Variants in MPP7 observed in about 807,000 individuals in gnomAD.
The protein encoded by MPP7 is MAGUK p55 subfamily member 7.
MPP7 carries 60 observed loss-of-function variants against 76.5 expected under a neutral mutation model. The ratio of observed to expected loss-of-function variants is 0.78; its 90% CI spans 0.64 to 0.97. The LOEUF (loss-of-function observed/expected upper bound fraction) is 0.97. MPP7 is among the 50% of genes least tolerant of loss of function. The pLI is 0.00. For missense variants in MPP7, 641 were observed against 694.0 expected (o/e 0.92, Z 0.86); for synonymous variants, 237 against 244.5 (o/e 0.97, Z 0.29).
At chr10:28,131,515 T>G (rs1564648232) in intron 6 of MPP7, 45 bp downstream of exon 6, 31 of 1,498,098 alleles carry the variant, frequency 2.1e-5, no homozygotes, top group Non-Finnish European at 2.8e-5. Context: ...CCATCAGATT[T>G]GGCCCTATCA....
At chr10:28,302,750 G>T (rs1475724253) in intron 1 of MPP7, among the ~76,000 whole-genome samples, 111 bp downstream of exon 1, 2 of 151,406 alleles carry the variant, frequency 1.3e-5, no homozygotes, top group South Asian at 4.2e-4. Context: ...CCGGAGGACC[G>T]CGGCACCGCT....
chr10:28,301,797 T>A (rs558954860), intron 1 of MPP7, among the ~76,000 whole-genome samples: 9 of 151,930 alleles, frequency 5.9e-5, no homozygotes, highest in African/African-American at 2.2e-4. Flanking sequence ...AGAACCAGAG[T>A]GAACCTGAGC....
chr10:28,260,395 T>C (rs1041455916), intron 1 of MPP7, among the ~76,000 whole-genome samples: 2 of 152,176 alleles, frequency 1.3e-5, no homozygotes, highest in Non-Finnish European at 2.9e-5. Flanking sequence ...TATAAATGGT[T>C]CTTTCCTTCA....
chr10:28,072,875 T>A (rs1352613845), intron 12 of MPP7, among the ~76,000 whole-genome samples: 1 of 152,178 alleles, frequency 6.6e-6, no homozygotes, highest in Non-Finnish European at 1.5e-5. Flanking sequence ...TTCTATGATT[T>A]TGTTAATGTC....
rs191487664 is a variant in MPP7 at position 28,295,507 on chromosome 10, T to A, written c.-132+7354A>T. Among the ~76,000 whole-genome samples, 36 of 152,318 alleles carry A rather than the reference T, an allele frequency of 2.4e-4. 1 individual carries two copies. The highest frequency in any genetic ancestry group is 8.4e-4 in the African/African-American group (35 of 41,578). On this transcript the variant is annotated intron_variant, in intron 1 of 16. Transcript: ENST00000683449. ...ATAACTCCAAATTTTGATCCCAGGC[T>A]CAACTCCAAATTTTTACAACATGAC...
chr10:28,090,013 A>G (rs1853219915), intron 11 of MPP7, among the ~76,000 whole-genome samples, 172 bp from the exon 12 acceptor site: 1 of 151,944 alleles, frequency 6.6e-6, no homozygotes, highest in South Asian at 2.1e-4. Flanking sequence ...CAACCTGGAG[A>G]GCAGTGGCGC....
chr10:28,249,783 G>GA (rs1839553168), intron 1 of MPP7, among the ~76,000 whole-genome samples: 1 of 152,090 alleles, frequency 6.6e-6, no homozygotes, highest in African/African-American at 2.4e-5. Context: ...TATGATAAGA[G>GA]AGCCTGCACC....
intron 11 of MPP7, among the ~76,000 whole-genome samples, chr10:28,115,813 A>T (rs1208816539): frequency 6.6e-6 from 1 of 152,228 alleles, no homozygotes; most frequent in African/African-American, 2.4e-5. Flanking sequence ...CTTTGGCTTC[A>T]GTTAAATGTT....
At chr10:28,196,480 G>GAAA (rs35571821) in intron 3 of MPP7, among the ~76,000 whole-genome samples, 1 of 131,450 alleles carries the variant, frequency 7.6e-6, no homozygotes, top group Non-Finnish European at 1.6e-5. Context: ...ACTCCATCTC[G>GAAA]AAAAAAAAAA....
intron 3 of MPP7, among the ~76,000 whole-genome samples, chr10:28,168,056 G>A (rs2133854579): frequency 6.6e-6 from 1 of 152,280 alleles, no homozygotes; most frequent in South Asian, 2.1e-4. Context: ...GGGCAACATG[G>A]TGAAACCCCG....
intron 2 of MPP7, among the ~76,000 whole-genome samples, chr10:28,213,606 A>G (rs1461719059): frequency 3.9e-5 from 6 of 151,940 alleles, no homozygotes; most frequent in Admixed American, 3.9e-4. Context: ...CAGCCTGGCC[A>G]ACATGGTGAA....
chr10:28,265,312 A>C (rs1231747988), intron 1 of MPP7, among the ~76,000 whole-genome samples: 1 of 152,206 alleles, frequency 6.6e-6, no homozygotes, highest in African/African-American at 2.4e-5. Context: ...TAATCCCAAC[A>C]CTTTGGGAGG....
chr10:28,098,647 T>C (rs1853677461), intron 11 of MPP7, among the ~76,000 whole-genome samples: 1 of 152,004 alleles, frequency 6.6e-6, no homozygotes, highest in Non-Finnish European at 1.5e-5. Context: ...CAGATGTAGT[T>C]GTGTGGTTAT....
intron 3 of MPP7, among the ~76,000 whole-genome samples, chr10:28,186,959 C>T (rs77869563): frequency 6.6e-6 from 1 of 152,302 alleles, no homozygotes. Context: ...ATAAGTGTTA[C>T]AAATTTCCTG....
intron 2 of MPP7, among the ~76,000 whole-genome samples, chr10:28,214,762 A>G (rs916234164): frequency 6.6e-6 from 1 of 152,194 alleles, no homozygotes; most frequent in Non-Finnish European, 1.5e-5. Flanking sequence ...CTCTGAAGCA[A>G]AACTGATAAT....
intron 1 of MPP7, among the ~76,000 whole-genome samples, chr10:28,297,079 T>C (rs1343841959): frequency 1.3e-5 from 2 of 152,222 alleles, no homozygotes; most frequent in Non-Finnish European, 2.9e-5. Flanking sequence ...TCTGAAATCG[T>C]AGGCATACCT....
intron 3 of MPP7, among the ~76,000 whole-genome samples, chr10:28,163,128 C>T (rs144817907): frequency 6.6e-6 from 1 of 152,230 alleles, no homozygotes; most frequent in African/African-American, 2.4e-5. Flanking sequence ...GGCATGAATC[C>T]ACCCAGCACA....
intron 11 of MPP7, among the ~76,000 whole-genome samples, chr10:28,094,550 G>A (rs1050218544): frequency 6.6e-6 from 1 of 152,074 alleles, no homozygotes; most frequent in Non-Finnish European, 1.5e-5. Flanking sequence ...GATTCATGCT[G>A]CAATGCCTCC....
At chr10:28,220,154 A>G (rs976265441) in intron 2 of MPP7, among the ~76,000 whole-genome samples, 2 of 152,026 alleles carry the variant, frequency 1.3e-5, no homozygotes, top group Non-Finnish European at 2.9e-5. Flanking sequence ...CATGCATACA[A>G]CTTTACCTAA....
Sources: gnomAD v4.1 joint callset for allele counts (sites outside exome capture counted in the v4.1 genomes callset) on GRCh38, gnomAD v4.1.1 for gene constraint, MANE v1.5 for transcripts, NCBI Gene and HGNC (gene_info 2026-07-23, HGNC 2026-07-21) for gene names.